The following CFAP299 variants were observed in gnomAD, a reference collection of about 807,000 sequenced individuals.
CFAP299 encodes the protein cilia- and flagella-associated protein 299.
In CFAP299, 21 loss-of-function variants were observed where a neutral mutation model predicts 27.0. The observed-to-expected ratio is 0.78, with a 90% CI of 0.55 to 1.12. The LOEUF (loss-of-function observed/expected upper bound fraction) is 1.12. CFAP299 is among the 50% of genes most tolerant of loss of function. The pLI is 0.00. For missense variants in CFAP299, 310 were observed against 276.6 expected, an observed-to-expected ratio of 1.12 and a Z score of -0.86; for synonymous variants, 104 against 98.1, an observed-to-expected ratio of 1.06 and a Z score of -0.36.
intron 3 of CFAP299, among the ~76,000 whole-genome samples, chr4:80,854,839 A>C (rs13106887): frequency 8.3e-6 from 1 of 120,892 alleles, no homozygotes; most frequent in African/African-American, 3.6e-5. Context: ...AAAAAAAAAC[A>C]GAAAAGGAAA....
intron 3 of CFAP299, among the ~76,000 whole-genome samples, chr4:80,685,640 G>C (rs1050655877): frequency 7.0e-6 from 1 of 142,532 alleles, no homozygotes; most frequent in East Asian, 2.4e-4. Flanking sequence ...GGGGGTGGGT[G>C]AGAGAGAGCA....
chr4:80,899,723 A>T (rs1734790448), intron 4 of CFAP299, among the ~76,000 whole-genome samples: 1 of 152,132 alleles, frequency 6.6e-6, no homozygotes, highest in Non-Finnish European at 1.5e-5. Flanking sequence ...AAAAAATGCA[A>T]ACTCTGGCAT....
chr4:80,534,078 C>T (rs952558816), intron 2 of CFAP299, among the ~76,000 whole-genome samples: 1 of 152,076 alleles, frequency 6.6e-6, no homozygotes, highest in Non-Finnish European at 1.5e-5. Context: ...AGTAAACTAA[C>T]ATCTACCATG....
chr4:80,807,991 CA>C (rs1052577658), intron 3 of CFAP299, among the ~76,000 whole-genome samples: 10 of 150,674 alleles, frequency 6.6e-5, no homozygotes, highest in African/African-American at 2.4e-4. Context: ...ATAAACTATC[CA>C]TATCATGTGA....
chr4:80,771,754 C>T (rs187738131), intron 3 of CFAP299, among the ~76,000 whole-genome samples: 18 of 152,156 alleles, frequency 1.2e-4, no homozygotes, highest in Admixed American at 8.5e-4. Flanking sequence ...CTTCATAATT[C>T]CAGGTAATAT....
chr4:80,708,747 T>C (rs1180884599), intron 3 of CFAP299, among the ~76,000 whole-genome samples: 1 of 151,998 alleles, frequency 6.6e-6, no homozygotes, highest in Non-Finnish European at 1.5e-5. Flanking sequence ...ACAAAAACAA[T>C]GCAAATAATA....
At chr4:80,803,364 T>A (rs142688902) in intron 3 of CFAP299, among the ~76,000 whole-genome samples, 1 of 152,080 alleles carries the variant, frequency 6.6e-6, no homozygotes. Context: ...TTTGAAACAT[T>A]ATTAGGATTT....
At chr4:80,884,030 C>G (rs1400958140) in intron 4 of CFAP299, among the ~76,000 whole-genome samples, 2 of 152,168 alleles carry the variant, frequency 1.3e-5, no homozygotes, top group African/African-American at 4.8e-5. Context: ...CCTTCACCCT[C>G]CAGTATGCAC....
At chr4:80,960,541 C>A (rs1738293657) in intron 5 of CFAP299, among the ~76,000 whole-genome samples, 1 of 151,752 alleles carries the variant, frequency 6.6e-6, no homozygotes, top group East Asian at 1.9e-4. Flanking sequence ...CTGGGAGAAT[C>A]AAGGGAGGGA....
chr4:80,661,919 G>T (rs538618272), intron 3 of CFAP299, among the ~76,000 whole-genome samples: 1 of 152,112 alleles, frequency 6.6e-6, no homozygotes, highest in Non-Finnish European at 1.5e-5. Flanking sequence ...TTACAGTTGT[G>T]GATAAGGGAT....
At chr4:80,654,935 A>T (rs553319989) in intron 3 of CFAP299, among the ~76,000 whole-genome samples, 1 of 152,058 alleles carries the variant, frequency 6.6e-6, no homozygotes, top group African/African-American at 2.4e-5. Flanking sequence ...TACTATTTTT[A>T]AAAAATTAAA....
intron 2 of CFAP299, among the ~76,000 whole-genome samples, chr4:80,474,962 A>T (rs1465526613): frequency 6.6e-6 from 1 of 152,182 alleles, no homozygotes; most frequent in Non-Finnish European, 1.5e-5. Context: ...GGTGAAGGAC[A>T]TTATTTTATA....
At chr4:80,345,185 A>T (rs1722661453) in intron 1 of CFAP299, among the ~76,000 whole-genome samples, 1 of 152,168 alleles carries the variant, frequency 6.6e-6, no homozygotes, top group Non-Finnish European at 1.5e-5. Context: ...AAATAGTGAG[A>T]GAGGAAGTCA....
At chr4:80,956,993 A>G (rs1738103961) in intron 5 of CFAP299, among the ~76,000 whole-genome samples, 1 of 152,122 alleles carries the variant, frequency 6.6e-6, no homozygotes, top group African/African-American at 2.4e-5. Context: ...CATTGCTTCT[A>G]TATTTAAAAA....
intron 3 of CFAP299, among the ~76,000 whole-genome samples, chr4:80,758,325 A>G (rs1240873029): frequency 6.6e-6 from 1 of 152,144 alleles, no homozygotes; most frequent in Admixed American, 6.5e-5. Flanking sequence ...CTCCAAAGCT[A>G]TGCCTTCAAG....
intron 3 of CFAP299, among the ~76,000 whole-genome samples, chr4:80,800,746 AGT>A (rs57119258): frequency 0.93 from 107,845 of 116,140 alleles, 50,373 homozygotes; most frequent in East Asian, 0.99. Flanking sequence ...ATATATAATC[AGT>A]GTGTGTGTGT....
chr4:80,751,602 C>T (rs1404277233), intron 3 of CFAP299, among the ~76,000 whole-genome samples: 1 of 152,132 alleles, frequency 6.6e-6, no homozygotes, highest in Admixed American at 6.5e-5. Context: ...CTCAAAGAAG[C>T]AGTCTTGCCA....
intron 2 of CFAP299, among the ~76,000 whole-genome samples, chr4:80,438,265 C>G (rs1477131206): frequency 2.0e-5 from 3 of 152,108 alleles, no homozygotes; most frequent in African/African-American, 7.2e-5. Context: ...AGTCATGAGG[C>G]TGTTTGGTGC....
chr4:80,449,076 T>G (rs916076481), intron 2 of CFAP299, among the ~76,000 whole-genome samples: 8 of 152,146 alleles, frequency 5.3e-5, no homozygotes. Flanking sequence ...TACCAAATAC[T>G]TTTGCGGATG....
Sources: allele counts gnomAD v4.1 joint callset (sites outside exome capture counted in the v4.1 genomes callset), GRCh38; gene constraint gnomAD v4.1.1; transcripts MANE v1.5; gene names NCBI Gene and HGNC (gene_info 2026-07-23, HGNC 2026-07-21).